Variants in PARPBP observed in about 807,000 individuals in gnomAD.
PARPBP encodes PCNA-interacting partner.
In PARPBP, 52 loss-of-function variants were observed where a neutral mutation model predicts 50.0. That is an observed-to-expected ratio of 1.04 (90% CI 0.83 to 1.31). The LOEUF is 1.31. Ranked by LOEUF, PARPBP falls within the 50% of genes most tolerant of loss-of-function variation. The pLI is 0.00. For missense variants in PARPBP, 697 were observed against 672.0 expected (o/e 1.04, Z -0.41); for synonymous variants, 244 against 232.1 (o/e 1.05, Z -0.47).
chr12:102,183,245 A>G (rs1193666427), intron 9 of PARPBP, among the ~76,000 whole-genome samples: 1 of 152,188 alleles, frequency 6.6e-6, no homozygotes, highest in Non-Finnish European at 1.5e-5. Flanking sequence ...GGTATCTACT[A>G]TGATCCAGAC....
At chr12:102,143,505 A>T (rs374685107) in intron 2 of PARPBP, among the ~76,000 whole-genome samples, 2 of 152,136 alleles carry the variant, frequency 1.3e-5, no homozygotes, top group African/African-American at 2.4e-5. Flanking sequence ...ACAAGCCCCA[A>T]TGAGATGAAC....
intron 2 of PARPBP, among the ~76,000 whole-genome samples, chr12:102,137,675 C>A (rs975889627): frequency 6.6e-6 from 1 of 151,788 alleles, no homozygotes; most frequent in Admixed American, 6.6e-5. Flanking sequence ...CCACGACAGG[C>A]CCCAGTTTGT....
intron 7 of PARPBP, among the ~76,000 whole-genome samples, chr12:102,178,218 G>C (rs974062936): frequency 2.6e-5 from 4 of 152,132 alleles, no homozygotes; most frequent in African/African-American, 9.7e-5. Flanking sequence ...CATGGGGCCT[G>C]TATTCAGATA....
At chr12:102,138,203 G>T (rs11111175) in intron 2 of PARPBP, among the ~76,000 whole-genome samples, 11 of 152,106 alleles carry the variant, frequency 7.2e-5, no homozygotes, top group Admixed American at 5.2e-4. Flanking sequence ...CATTCTAACT[G>T]GTGTGAGATG....
chr12:102,135,045 T>C (rs1358187406), intron 2 of PARPBP, among the ~76,000 whole-genome samples: 1 of 152,172 alleles, frequency 6.6e-6, no homozygotes, highest in Non-Finnish European at 1.5e-5. Flanking sequence ...TTGTTGGTAC[T>C]GTAAGGGAGG....
intron 7 of PARPBP, among the ~76,000 whole-genome samples, chr12:102,177,688 C>T (rs1250916305): frequency 2.0e-5 from 3 of 152,156 alleles, no homozygotes; most frequent in Non-Finnish European, 2.9e-5. Context: ...ATATTTTACA[C>T]ATTGCCATCA....
At chr12:102,190,731 G>T (rs1890721046) in intron 9 of PARPBP, among the ~76,000 whole-genome samples, 1 of 152,160 alleles carries the variant, frequency 6.6e-6, no homozygotes, top group South Asian at 2.1e-4. Flanking sequence ...GCCATCAGTT[G>T]TCAAACTGTA....
intron 8 of PARPBP, among the ~76,000 whole-genome samples, chr12:102,180,083 C>A (rs532892503): frequency 2.0e-5 from 3 of 152,194 alleles, no homozygotes; most frequent in Admixed American, 6.5e-5. Context: ...TCTTCTTTAC[C>A]AACTTCCATG....
intron 9 of PARPBP, among the ~76,000 whole-genome samples, chr12:102,193,271 ATT>A (rs1297139564): frequency 6.6e-6 from 1 of 151,906 alleles, no homozygotes; most frequent in South Asian, 2.1e-4. Context: ...TTCTAAAGAA[ATT>A]TTTGTTTGTG....
At chr12:102,134,629 T>C (rs547079234) in intron 2 of PARPBP, among the ~76,000 whole-genome samples, 1 of 152,304 alleles carries the variant, frequency 6.6e-6, no homozygotes, top group East Asian at 1.9e-4. Context: ...ATTCTCCTCA[T>C]AGACTTTCTA....
At chr12:102,171,631 C>T (rs1486663267) in intron 6 of PARPBP, among the ~76,000 whole-genome samples, 1 of 152,054 alleles carries the variant, frequency 6.6e-6, no homozygotes, top group Admixed American at 6.6e-5. Flanking sequence ...CTTTGGGAGG[C>T]CGAGGCGGGC....
In PARPBP at chr12:102,195,317, G is replaced by A. The variant is rs879583058; in HGVS notation, c.1269G>A (p.Lys423=). Residue 423 remains lysine, a synonymous_variant, in exon 10 of 11, where the codon AAG becomes AAA. Transcript: ENST00000327680. ...TTCTTTCTTTCTGTTACTAGATGAA[G>A]CAAACTTTAATTAGATCCCAATTTG... is the stretch of plus-strand genomic sequence containing the variant. ...VSMQEKKIKM[K]QTLIRSQFAC... is the part of the protein sequence containing the mutation. 1.3e-6 allele frequency: 2 copies of A among 1,533,768 alleles called. No homozygotes were observed. Among genetic ancestry groups the A allele is most frequent in the Admixed American group, 3.9e-5 (2 of 51,660 alleles).
chr12:102,197,109 A>C lies in PARPBP; in HGVS notation c.*818A>C. 1 of 1,612,330 alleles carries C rather than the reference A, an allele frequency of 6.2e-7. No individual in the cohort carries two copies. Among genetic ancestry groups the C allele is most frequent in the South Asian group, 1.1e-5 (1 of 91,036 alleles). On this transcript the variant is annotated 3_prime_UTR_variant, in exon 11 of 11. Coordinates refer to ENST00000327680, the MANE Select transcript of PARPBP (RefSeq NM_017915.5). ...CTACAGATCCTTTTAGTGCAAGATAAGGTTTTATAGCCAGATTCAGTGGCA... is the reference window on the plus strand; with the variant it reads ...CTACAGATCCTTTTAGTGCAAGATACGGTTTTATAGCCAGATTCAGTGGCA...
chr12:102,147,822 G>A (rs373277182), intron 2 of PARPBP, among the ~76,000 whole-genome samples: 1 of 151,912 alleles, frequency 6.6e-6, no homozygotes, highest in Non-Finnish European at 1.5e-5. Context: ...TTTTAAATAC[G>A]AGATTAAAAA....
chr12:102,169,670 A>G (rs1451411407), intron 6 of PARPBP, among the ~76,000 whole-genome samples: 8 of 152,020 alleles, frequency 5.3e-5, no homozygotes, highest in Admixed American at 3.9e-4. Context: ...TGAGTTGTCT[A>G]TTCTGCCTCC....
chr12:102,163,984 T>C (rs760257750), intron 4 of PARPBP, among the ~76,000 whole-genome samples: 11 of 152,190 alleles, frequency 7.2e-5, no homozygotes, highest in South Asian at 2.1e-4. Flanking sequence ...GCACACCTTC[T>C]TTTTTCTTTG....
chr12:102,165,962 A>G, intron 6 of PARPBP, 79 bp downstream of exon 6: 1 of 924,026 alleles, frequency 1.1e-6, no homozygotes, highest in Non-Finnish European at 1.7e-6. Flanking sequence ...AATAAGGGAT[A>G]TTGAAATGAC....
chr12:102,176,797 T>C (rs1889328435), intron 7 of PARPBP, among the ~76,000 whole-genome samples: 1 of 152,236 alleles, frequency 6.6e-6, no homozygotes, highest in South Asian at 2.1e-4. Flanking sequence ...TATTTTTCTA[T>C]AACAGTGCTT....
chr12:102,163,096 A>G (rs192663921), intron 4 of PARPBP, among the ~76,000 whole-genome samples: 2 of 152,358 alleles, frequency 1.3e-5, no homozygotes, highest in African/African-American at 4.8e-5. Context: ...TCCAACACCA[A>G]TTATTGAAAA....
Sources: allele counts gnomAD v4.1 joint callset (sites outside exome capture counted in the v4.1 genomes callset), GRCh38; gene constraint gnomAD v4.1.1; transcripts MANE v1.5; gene names NCBI Gene and HGNC (gene_info 2026-07-23, HGNC 2026-07-21).